Variants in IL1RL2 observed in about 807,000 individuals in gnomAD.
The protein encoded by IL1RL2 is interleukin 1 receptor like 2, also known as interleukin-1 receptor-like 2.
A neutral mutation model predicts 66.8 loss-of-function variants in IL1RL2; 68 were observed. The ratio of observed to expected loss-of-function variants is 1.02; its 90% CI spans 0.84 to 1.25. The LOEUF (loss-of-function observed/expected upper bound fraction) is 1.25, where lower values mean the gene tolerates loss of function less well. Among genes scored for constraint, IL1RL2 ranks in the 50% most tolerant of loss-of-function variants. The pLI is 0.00. For missense variants in IL1RL2, 729 were observed against 709.3 expected (o/e 1.03, Z -0.32); for synonymous variants, 305 against 264.6 (o/e 1.15, Z -1.48).
At chr2:102,236,426 G>T (rs1232890266) in intron 11 of IL1RL2, among the ~76,000 whole-genome samples, 3 of 152,182 alleles carry the variant, frequency 2.0e-5, no homozygotes, top group African/African-American at 4.8e-5. Flanking sequence ...GTGTGGGATG[G>T]ACTTTCAGGT....
At chr2:102,240,601 C>T (rs759414972), downstream of IL1RL2, among the ~76,000 whole-genome samples, 11 of 152,120 alleles carry the variant, frequency 7.2e-5, no homozygotes, top group Non-Finnish European at 1.5e-4. Context: ...AAATGCTGGT[C>T]ACAGCTCGCC....
At chr2:102,202,668 A>T (rs1263828937) in intron 5 of IL1RL2, among the ~76,000 whole-genome samples, 1 of 152,086 alleles carries the variant, frequency 6.6e-6, no homozygotes. Context: ...ATTACTTGTA[A>T]AATATCTTTT....
intron 8 of IL1RL2, among the ~76,000 whole-genome samples, chr2:102,221,445 A>G (rs1690119480): frequency 6.6e-6 from 1 of 152,102 alleles, no homozygotes; most frequent in South Asian, 2.1e-4. Context: ...TGATGTCAGA[A>G]AGCATGTTTA....
At chr2:102,202,402 T>C (rs887514669) in intron 5 of IL1RL2, among the ~76,000 whole-genome samples, 3 of 151,374 alleles carry the variant, frequency 2.0e-5, no homozygotes, top group Non-Finnish European at 4.4e-5. Flanking sequence ...TATATAATAA[T>C]GGGTATATGA....
At chr2:102,212,365 G>T (rs1164674254) in intron 6 of IL1RL2, among the ~76,000 whole-genome samples, 191 bp downstream of exon 6, 1 of 152,180 alleles carries the variant, frequency 6.6e-6, no homozygotes, top group African/African-American at 2.4e-5. Flanking sequence ...GCATGGAAAA[G>T]TTGTGGTAGC....
intron 6 of IL1RL2, among the ~76,000 whole-genome samples, chr2:102,213,032 G>GA (rs957789665): frequency 1.7e-4 from 26 of 151,732 alleles, no homozygotes; most frequent in Non-Finnish European, 1.0e-4. Flanking sequence ...TATTACATCT[G>GA]AAAAAAAAGC....
chr2:102,242,712 C>T (rs184293871), downstream of IL1RL2, among the ~76,000 whole-genome samples: 2 of 152,146 alleles, frequency 1.3e-5, no homozygotes, highest in Non-Finnish European at 2.9e-5. Context: ...TTGATTCCTG[C>T]GCTAATCTCC....
At chr2:102,196,049 C>G (rs894083460) in intron 4 of IL1RL2, among the ~76,000 whole-genome samples, 2 of 152,034 alleles carry the variant, frequency 1.3e-5, no homozygotes, top group Non-Finnish European at 2.9e-5. Flanking sequence ...TTAGATAAGT[C>G]TTAAGTTTTG....
intron 8 of IL1RL2, among the ~76,000 whole-genome samples, chr2:102,225,383 C>A (rs893974106): frequency 6.6e-6 from 1 of 152,240 alleles, no homozygotes; most frequent in Admixed American, 6.5e-5. Flanking sequence ...GCCAGCCATG[C>A]TGGCTTCCAG....
At chr2:102,201,801 C>A in intron 5 of IL1RL2, 86 bp downstream of exon 5, 1 of 1,311,500 alleles carries the variant, frequency 7.6e-7, no homozygotes. Context: ...GGGCTTTGAG[C>A]AGGAGTGATT....
At chr2:102,220,155 T>C in intron 8 of IL1RL2, 138 bp downstream of exon 8, 1 of 703,626 alleles carries the variant, frequency 1.4e-6, no homozygotes, top group Non-Finnish European at 2.1e-6. Flanking sequence ...GTATGAAATC[T>C]AGGGAAAATC....
Position 102,187,903 on chromosome 2 carries a change from C to T in IL1RL2, c.36C>T (p.Ala12=). Reference sequence around the variant, plus strand: ...TGCTGCTCTGCGGGTTGTCCATCGCCCTTCCACTGTCTGTCACAGCAGGTA... The same window carrying T: ...TGCTGCTCTGCGGGTTGTCCATCGCTCTTCCACTGTCTGTCACAGCAGGTA... ...WSLLLCGLSI[A]LPLSVTADGC... Residue 12 remains alanine (A), a synonymous_variant, in exon 2 of 12, where the codon GCC becomes GCT. Coordinates refer to ENST00000264257, the MANE Select transcript of IL1RL2 (RefSeq NM_003854.4). 2 of 1,614,142 alleles carry T rather than the reference C, an allele frequency of 1.2e-6. No individual in the cohort carries two copies. Among genetic ancestry groups the T allele is most frequent in the Non-Finnish European group, 8.5e-7 (1 of 1,180,006 alleles).
chr2:102,201,866 A>G, intron 5 of IL1RL2, 151 bp downstream of exon 5: 2 of 674,504 alleles, frequency 3.0e-6, no homozygotes, highest in South Asian at 3.9e-5. Flanking sequence ...CACTGTTAGA[A>G]TCAGAAGGTG....
Position 102,220,113 on chromosome 2 carries a change from G to A in IL1RL2, c.991+96G>A, listed in dbSNP as rs551790496. ...CAGTGACTCTAAATGCTCAGTGTGAGGCATGAGGGTGATATTAAAGGGACA... is the reference window on the plus strand; with the variant it reads ...CAGTGACTCTAAATGCTCAGTGTGAAGCATGAGGGTGATATTAAAGGGACA... On this transcript the variant is annotated intron_variant, in intron 8 of 11. Coordinates refer to ENST00000264257, the MANE Select transcript of IL1RL2 (RefSeq NM_003854.4). 3.5e-6 allele frequency: 4 copies of A among 1,130,426 alleles called. No homozygotes were observed. The South Asian group carries it at 6.6e-5, about 19-fold the overall frequency. The allele number at this position is 1,130,426 out of a possible 1,614,324, so 70.0% of individuals were successfully genotyped here.
chr2:102,237,927 G>C (rs945332987), intron 11 of IL1RL2, among the ~76,000 whole-genome samples: 1 of 152,258 alleles, frequency 6.6e-6, no homozygotes, highest in African/African-American at 2.4e-5. Context: ...GAGGTCAATG[G>C]GGTCCTATCC....
chr2:102,239,579 G>C lies in IL1RL2; in HGVS notation c.*338G>C. On this transcript the variant is annotated 3_prime_UTR_variant, in exon 12 of 12. Transcript: ENST00000264257. Reference sequence around the variant, plus strand: ...ATGTCATGGTGGGTGAGATCTGGGGGTATCCCTGTGTCATGGTGGGTGAGG... The same window carrying C: ...ATGTCATGGTGGGTGAGATCTGGGGCTATCCCTGTGTCATGGTGGGTGAGG... 1 of 289,984 alleles carries C rather than the reference G, an allele frequency of 3.4e-6. No homozygotes were observed. Among genetic ancestry groups the C allele is most frequent in the East Asian group, 6.7e-5 (1 of 14,970 alleles). The allele number at this position is 289,984 out of a possible 1,614,324, so 18.0% of individuals were successfully genotyped here. A position where few individuals can be genotyped will look rare whatever the true frequency, so the allele number is the denominator to read the frequency against.
Position 102,189,223 on chromosome 2 carries a change from T to A in IL1RL2, c.206T>A (p.Ile69Lys). ...AGCAAAATCCCAGTGTCCAAAATCA[T>A]ACAGTCTAGAATTCACCAGGACGAG... ...NSSKIPVSKI[I>K]QSRIHQDETW... Residue 69 changes from isoleucine (I) to lysine (K), a missense_variant, in exon 3 of 12, where the codon ATA becomes AAA. Ile to Lys is a moderately radical substitution (Grantham distance 102, BLOSUM62 -3). Transcript: ENST00000264257. 1.2e-6 allele frequency: 2 copies of A among 1,614,122 alleles called. No homozygotes were observed. Among genetic ancestry groups the A allele is most frequent in the Non-Finnish European group, 1.7e-6 (2 of 1,179,996 alleles).
chr2:102,187,105 G>C lies in IL1RL2; in HGVS notation c.-13+19G>C. 1 of 1,289,754 alleles carries C rather than the reference G, an allele frequency of 7.8e-7. No homozygotes were observed. The highest frequency in any genetic ancestry group is 1.2e-5 in the South Asian group (1 of 81,024). 79.9% of individuals were successfully genotyped at this position (1,289,754 alleles called of 1,614,324 possible). Reference sequence around the variant, plus strand: ...CAGGCAGGTAGACACCGGGCCGGGAGTCTGGCTGAGCCAGGCATGGGTGGG... The same window carrying C: ...CAGGCAGGTAGACACCGGGCCGGGACTCTGGCTGAGCCAGGCATGGGTGGG... On this transcript the variant is annotated intron_variant, in intron 1 of 11. Coordinates refer to ENST00000264257, the MANE Select transcript of IL1RL2 (RefSeq NM_003854.4).
intron 9 of IL1RL2, among the ~76,000 whole-genome samples, chr2:102,232,186 A>G (rs537690728): frequency 6.8e-6 from 1 of 147,770 alleles, no homozygotes; most frequent in South Asian, 2.1e-4. Context: ...ATCTCGGCTC[A>G]CTGAAACCTT....
Sources: allele counts gnomAD v4.1 joint callset (sites outside exome capture counted in the v4.1 genomes callset), GRCh38; gene constraint gnomAD v4.1.1; transcripts MANE v1.5; gene names NCBI Gene and HGNC (gene_info 2026-07-23, HGNC 2026-07-21).